The following DPYD variants were observed in gnomAD, a reference collection of about 807,000 sequenced individuals.
DPYD encodes dihydropyrimidine dehydrogenase.
DPYD carries 109 observed loss-of-function variants against 116.2 expected under a neutral mutation model. The observed-to-expected ratio is 0.94, with a 90% CI of 0.80 to 1.10. DPYD has a LOEUF of 1.10. DPYD is among the 50% of genes least tolerant of loss of function. The probability of loss-of-function intolerance (pLI) is 0.00; values close to 1 mark genes in which losing one functional copy is unlikely to be tolerated. For synonymous variants in DPYD, 440 were observed against 432.0 expected (o/e 1.02, Z -0.23); for missense variants, 1,302 against 1,254.5 (o/e 1.04, Z -0.57).
At chr1:97,645,140 G>A (rs552211272) in intron 8 of DPYD, among the ~76,000 whole-genome samples, 31 of 152,086 alleles carry the variant, frequency 2.0e-4, no homozygotes, top group African/African-American at 7.5e-4. Context: ...TGGACATTTA[G>A]GTTGTTTCCA....
intron 20 of DPYD, among the ~76,000 whole-genome samples, chr1:97,103,819 A>AT (rs1308382348): frequency 6.6e-6 from 1 of 152,158 alleles, no homozygotes; most frequent in Non-Finnish European, 1.5e-5. Flanking sequence ...TGGTATAAGC[A>AT]TTAAATGGAA....
intron 14 of DPYD, among the ~76,000 whole-genome samples, chr1:97,416,427 C>T (rs1674293465): frequency 2.6e-5 from 4 of 152,160 alleles, no homozygotes; most frequent in Admixed American, 2.6e-4. Context: ...AAATGTTTTA[C>T]TCTCTGATTT....
In DPYD at chr1:97,906,014, G is replaced by A. The variant is rs767632902; in HGVS notation, c.39+14870C>T. Among the ~76,000 whole-genome samples the A allele has an allele frequency of 3.3e-5, 5 of 151,326 alleles. No homozygotes were observed. In the East Asian group the frequency reaches 9.7e-4, roughly 29 times the overall value. On this transcript the variant is annotated intron_variant, in intron 1 of 22. Transcript: ENST00000370192. ...AGACTGGAAACATGTTCTTAAGTAGGGAACAAGAAAAAAAAATGCTCTGAG... is the reference window on the plus strand; with the variant it reads ...AGACTGGAAACATGTTCTTAAGTAGAGAACAAGAAAAAAAAATGCTCTGAG...
chr1:97,367,224 A>G (rs2101473578), intron 16 of DPYD, among the ~76,000 whole-genome samples: 1 of 152,186 alleles, frequency 6.6e-6, no homozygotes, highest in East Asian at 1.9e-4. Context: ...ATCTGTGGTT[A>G]ATGTCTAATG....
intron 14 of DPYD, chr1:97,419,928 T>C (rs1274971795): frequency 6.6e-6 from 1 of 152,220 alleles, no homozygotes; most frequent in Non-Finnish European, 1.5e-5. Context: ...TATTCTCGCA[T>C]AGTCTTCAGA....
At chr1:97,381,254 G>C (rs1671944718) in intron 15 of DPYD, among the ~76,000 whole-genome samples, 1 of 151,926 alleles carries the variant, frequency 6.6e-6, no homozygotes. Context: ...CTTTAGGTTA[G>C]CTAGTTTGCT....
chr1:97,333,386 G>A (rs538971861), intron 16 of DPYD, among the ~76,000 whole-genome samples: 10 of 152,158 alleles, frequency 6.6e-5, no homozygotes, highest in Non-Finnish European at 1.0e-4. Flanking sequence ...TAGTTCTAGA[G>A]ATGGAGTTTC....
chr1:97,378,393 G>A (rs1055746805), intron 15 of DPYD, among the ~76,000 whole-genome samples: 4 of 152,156 alleles, frequency 2.6e-5, no homozygotes, highest in Non-Finnish European at 4.4e-5. Flanking sequence ...CCAGATTCAG[G>A]TAAAGAAACT....
intron 18 of DPYD, among the ~76,000 whole-genome samples, chr1:97,235,993 T>G (rs937752503): frequency 1.3e-5 from 2 of 152,190 alleles, no homozygotes; most frequent in African/African-American, 4.8e-5. Flanking sequence ...GTAATAAAAA[T>G]TGTATGGATA....
intron 8 of DPYD, among the ~76,000 whole-genome samples, chr1:97,652,365 C>A (rs762991445): frequency 1.3e-5 from 2 of 151,932 alleles, no homozygotes; most frequent in East Asian, 3.9e-4. Context: ...GAAATGGCCA[C>A]GCAATTGAAT....
At chr1:97,736,235 A>C (rs547047172) in intron 4 of DPYD, among the ~76,000 whole-genome samples, 1 of 152,200 alleles carries the variant, frequency 6.6e-6, no homozygotes, top group South Asian at 2.1e-4. Flanking sequence ...TTCATTTTTC[A>C]ATAGTAGCAT....
chr1:97,556,014 G>A (rs914281723), intron 11 of DPYD, among the ~76,000 whole-genome samples: 8 of 152,124 alleles, frequency 5.3e-5, no homozygotes, highest in South Asian at 4.1e-4. Flanking sequence ...GTTCCAGGTC[G>A]CCAAGTCCAG....
In DPYD at chr1:97,217,136, A is replaced by G. The variant is rs975848843; in HGVS notation, c.2442+17716T>C. On this transcript the variant is annotated intron_variant, in intron 19 of 22. Coordinates refer to ENST00000370192, the MANE Select transcript of DPYD (RefSeq NM_000110.4). ...GGCAGGAGAATCGCTTGAACACGGG[A>G]GGCGGAGGTTGCAGTGAGCCGAGAT... is the stretch of plus-strand genomic sequence containing the variant. Among the ~76,000 whole-genome samples the G allele has an allele frequency of 2.0e-5, 3 of 152,144 alleles. No homozygotes were observed. In the South Asian group the frequency reaches 6.2e-4, roughly 31 times the overall value.
intron 2 of DPYD, among the ~76,000 whole-genome samples, chr1:97,838,127 T>C (rs1368301246): frequency 2.6e-5 from 4 of 152,222 alleles, no homozygotes; most frequent in African/African-American, 9.6e-5. Context: ...ATAATTTTTA[T>C]GCAAGCTCAG....
chr1:97,679,094 C>T lies in DPYD; in HGVS notation c.850+1G>A. 1 of 1,485,848 alleles carries T rather than the reference C, an allele frequency of 6.7e-7. No individual in the cohort carries two copies. The highest frequency in any genetic ancestry group is 9.3e-7 in the Non-Finnish European group (1 of 1,079,430). 92.0% of individuals were successfully genotyped at this position (1,485,848 alleles called of 1,614,324 possible). A position where few individuals can be genotyped will look rare whatever the true frequency, so the allele number is the denominator to read the frequency against. On this transcript the variant is annotated splice_donor_variant, in intron 8 of 22. Coordinates refer to ENST00000370192, the MANE Select transcript of DPYD (RefSeq NM_000110.4). LOFTEE classifies it high-confidence loss of function. Reference sequence around the variant, plus strand: ...AATATATTTAAGAGTAAACTACTCACCTATTCCAATGAAAGCAGCTTTGTA... The same window carrying T: ...AATATATTTAAGAGTAAACTACTCATCTATTCCAATGAAAGCAGCTTTGTA...
chr1:97,173,360 A>G (rs943149080), intron 20 of DPYD, among the ~76,000 whole-genome samples: 6 of 149,422 alleles, frequency 4.0e-5, no homozygotes, highest in African/African-American at 7.4e-5. Context: ...ATATATGTAC[A>G]TATATACATA....
intron 19 of DPYD, among the ~76,000 whole-genome samples, chr1:97,199,748 C>T (rs187850758): frequency 1.3e-5 from 2 of 152,182 alleles, no homozygotes; most frequent in Admixed American, 1.3e-4. Flanking sequence ...ATTCCCTTCT[C>T]CCTCCTTTAC....
intron 3 of DPYD, among the ~76,000 whole-genome samples, chr1:97,768,123 T>C (rs954216465): frequency 1.3e-5 from 2 of 152,120 alleles, no homozygotes; most frequent in African/African-American, 2.4e-5. Context: ...CTGAGTAGTA[T>C]TCTCATAAAT....
At chr1:97,656,722 C>A (rs1414505523) in intron 8 of DPYD, among the ~76,000 whole-genome samples, 1 of 152,012 alleles carries the variant, frequency 6.6e-6, no homozygotes, top group Non-Finnish European at 1.5e-5. Flanking sequence ...TTTGGTCTGC[C>A]ATTTTTAAAT....
Sources: gnomAD v4.1 joint callset for allele counts (sites outside exome capture counted in the v4.1 genomes callset) on GRCh38, gnomAD v4.1.1 for gene constraint, MANE v1.5 for transcripts, NCBI Gene and HGNC (gene_info 2026-07-23, HGNC 2026-07-21) for gene names.